TAF9: variants seen among roughly 807,000 people sequenced by gnomAD.
TAF9 encodes transcription initiation factor TFIID subunit 9.
Under a neutral mutation model 16.5 loss-of-function variants are expected in TAF9, and 10 were observed. That is an observed-to-expected ratio of 0.61 (90% CI 0.37 to 1.03). The LOEUF (loss-of-function observed/expected upper bound fraction) is 1.03. TAF9 is among the 50% of genes least tolerant of loss of function. The probability of loss-of-function intolerance (pLI) is 0.01; values close to 1 mark genes in which losing one functional copy is unlikely to be tolerated. For synonymous variants in TAF9, 105 were observed against 120.5 expected, an observed-to-expected ratio of 0.87 and a Z score of 0.84; for missense variants, 288 against 319.1, an observed-to-expected ratio of 0.90 and a Z score of 0.74.
In TAF9 at chr5:69,364,941, G is replaced by C. The variant is rs138549217; in HGVS notation, c.*2C>G. ...ATACATGTTACATTCAGCAAGGCTA[G>C]ATTACAGATTATCATAGTCATCATC... is the stretch of plus-strand genomic sequence containing the variant. On this transcript the variant is annotated 3_prime_UTR_variant, in exon 3 of 3. Transcript: ENST00000217893. 2.5e-6 allele frequency: 4 copies of C among 1,605,578 alleles called. No homozygotes were observed. The African/African-American group carries it at 4.0e-5, about 16-fold the overall frequency.
chr5:69,365,670 A>G lies in TAF9; in HGVS notation c.68T>C (p.Leu23Pro). ...ATATTCTGTAATCCCCATATCCTTC[A>G]GGATTTGTGCCATCATCTGTGCATC... ...PKDAQMMAQILKDMGITEYEP... is the reference protein window; with the variant it reads ...PKDAQMMAQIPKDMGITEYEP... The change falls in exon 3 of 3, where the codon CTG becomes CCG. Residue 23 changes from leucine to proline, a missense_variant. Coordinates refer to ENST00000217893, the MANE Select transcript of TAF9 (RefSeq NM_003187.5). The G allele has an allele frequency of 1.2e-6, 2 of 1,608,390 alleles. No homozygotes were observed. The highest frequency in any genetic ancestry group is 1.7e-6 in the Non-Finnish European group (2 of 1,176,706).
At chr5:69,369,601 GC>G, upstream of TAF9, 1 of 1,585,330 alleles carries the variant, frequency 6.3e-7, no homozygotes, top group Non-Finnish European at 8.6e-7. Flanking sequence ...AGGCCCCGAA[GC>G]CCACCGCGGC....
At chr5:69,366,811 T>C in intron 1 of TAF9, 1 of 526,074 alleles carries the variant, frequency 1.9e-6, no homozygotes, top group Non-Finnish European at 3.4e-6. Context: ...CAGGCTGGAG[T>C]GCAGTGGCAC....
chr5:69,369,323 G>A (rs1762735191), intron 1 of TAF9, 140 bp downstream of exon 1: 1 of 799,248 alleles, frequency 1.3e-6, no homozygotes. Flanking sequence ...TCGGCTCCCG[G>A]GGCGCTGACA....
intron 1 of TAF9, 192 bp from the exon 2 acceptor site, chr5:69,366,787 T>A (rs1762447559): frequency 8.8e-6 from 5 of 567,900 alleles, no homozygotes; most frequent in Non-Finnish European, 1.3e-5. Context: ...AGACAGAGTT[T>A]CACTCTTGTC....
chr5:69,369,589 A>C, upstream of TAF9: 2 of 1,597,994 alleles, frequency 1.3e-6, no homozygotes, highest in Non-Finnish European at 1.7e-6. Context: ...CCACGGCCCC[A>C]AAGGCCCCGA....
chr5:69,369,243 C>CCCCCCCCCCCCCCCCCCA lies in TAF9; in HGVS notation c.-111+219_-111+220insTGGGGGGGGGGGGGGGGG. On this transcript the variant is annotated intron_variant, in intron 1 of 2. Coordinates refer to ENST00000217893, the MANE Select transcript of TAF9 (RefSeq NM_003187.5). ...CTCTCTCCACCCCCCCCCGCCCCCC[C>CCCCCCCCCCCCCCCCCCA]CCGGAGCCTCAGGCCAACGGAATTA... 2 of 261,300 alleles carry CCCCCCCCCCCCCCCCCCA rather than the reference C, an allele frequency of 7.7e-6. 1 individual carries two copies. The highest frequency in any genetic ancestry group is 2.3e-4 in the South Asian group (2 of 8,618). The allele number at this position is 261,300 out of a possible 1,614,324, so 16.2% of individuals were successfully genotyped here.
intron 2 of TAF9, 58 bp from the exon 3 acceptor site, chr5:69,365,812 T>A (rs897772513): frequency 1.6e-6 from 2 of 1,273,136 alleles, no homozygotes; most frequent in African/African-American, 1.5e-5. Flanking sequence ...GTTACTTTAG[T>A]AGCAACTGTC....
intron 1 of TAF9, among the ~76,000 whole-genome samples, chr5:69,367,609 T>G (rs559485203): frequency 3.3e-5 from 5 of 151,974 alleles, no homozygotes; most frequent in Admixed American, 3.3e-4. Context: ...TAGGCTGGAG[T>G]GCAGTGGAAC....
At chr5:69,369,238 C>CCCCCCCCCCCCCCA in intron 1 of TAF9, 1 of 156,870 alleles carries the variant, frequency 6.4e-6, no homozygotes, top group Non-Finnish European at 1.3e-5. Flanking sequence ...CCCCCCCCGC[C>CCCCCCCCCCCCCCA]CCCCCCCGGA....
chr5:69,366,747 T>G (rs1218233574), intron 1 of TAF9, 152 bp from the exon 2 acceptor site: 3 of 627,540 alleles, frequency 4.8e-6, no homozygotes, highest in Non-Finnish European at 2.8e-6. Context: ...AATTTCCTAA[T>G]TAGCAATCAT....
At position 69,365,183 on chromosome 5, in the gene TAF9, T is replaced by G. The variant is rs780454256; in HGVS notation, c.555A>C (p.Gln185His). The part of the protein sequence containing the change: ...KVGTPMSLTG[Q>H]RFTVQMPTSQ... Reference sequence around the variant, plus strand: ...AAGTAGGCATCTGTACTGTAAACCTTTGACCTGTGAGGGACATGGGAGTCC... The same window carrying G: ...AAGTAGGCATCTGTACTGTAAACCTGTGACCTGTGAGGGACATGGGAGTCC... Residue 185 changes from glutamine to histidine, a missense_variant, in exon 3 of 3, where the codon CAA becomes CAC. Physicochemically the swap from Gln to His is conservative, Grantham distance 24. Coordinates refer to ENST00000217893, the MANE Select transcript of TAF9 (RefSeq NM_003187.5). 1 of 1,614,214 alleles carries G rather than the reference T, an allele frequency of 6.2e-7. No homozygotes were observed. The highest frequency in any genetic ancestry group is 1.1e-5 in the South Asian group (1 of 91,080).
In TAF9 at chr5:69,364,957, A is replaced by AGTCATC. The variant is rs1554035760; in HGVS notation, c.775_780dup (p.Asp259_Asp260dup). 2 of 1,611,020 alleles carry AGTCATC rather than the reference A, an allele frequency of 1.2e-6. No individual in the cohort carries two copies. The highest frequency in any genetic ancestry group is 1.1e-5 in the South Asian group (1 of 90,718). ...GCAAGGCTAGATTACAGATTATCAT[A>AGTCATC]GTCATCATCATCATCATCGTCATCA... On this transcript the variant is annotated inframe_insertion, in exon 3 of 3. Coordinates refer to ENST00000217893, the MANE Select transcript of TAF9 (RefSeq NM_003187.5).
At position 69,364,876 on chromosome 5, in the gene TAF9, A is replaced by G; in HGVS notation, c.*67T>C. 1 of 1,363,988 alleles carries G rather than the reference A, an allele frequency of 7.3e-7. No homozygotes were observed. 84.5% of individuals were successfully genotyped at this position (1,363,988 alleles called of 1,614,324 possible). ...AAAACACAACTTGAAAACATCCAGC[A>G]TGCATGTTTAATATCAGTACAATGA... On this transcript the variant is annotated 3_prime_UTR_variant, in exon 3 of 3. Transcript: ENST00000217893.
At chr5:69,366,811 T>A (rs1386605981) in intron 1 of TAF9, 3 of 525,956 alleles carry the variant, frequency 5.7e-6, no homozygotes, top group Admixed American at 3.1e-5. Context: ...CAGGCTGGAG[T>A]GCAGTGGCAC....
rs3756401 is a variant in TAF9 at position 69,369,096 on chromosome 5, G to C, written c.-111+367C>G. The C allele has an allele frequency of 2.4e-4, 89 of 367,228 alleles. No individual in the cohort carries two copies. The East Asian group carries it at 4.5e-3, about 19-fold the overall frequency. The allele number at this position is 367,228 out of a possible 1,614,324, so 22.7% of individuals were successfully genotyped here. On this transcript the variant is annotated intron_variant, in intron 1 of 2. Transcript: ENST00000217893. ...TACCGGGAAGCAGATATGGCCTTACGTTATTTCGCTAAAAATCCCAAGGCC... is the reference window on the plus strand; with the variant it reads ...TACCGGGAAGCAGATATGGCCTTACCTTATTTCGCTAAAAATCCCAAGGCC...
chr5:69,365,474 T>TG lies in TAF9; in HGVS notation c.263dup (p.Arg89LysfsTer26), dbSNP rs1159102844. ...TTGCAATATCTAATAAAAAATCTCT[T>TG]GGGGGAGGAGAGGTAAAAGACTGAT... On this transcript the variant is annotated frameshift_variant, in exon 3 of 3. Coordinates refer to ENST00000217893, the MANE Select transcript of TAF9 (RefSeq NM_003187.5). LOFTEE classifies it high-confidence loss of function. 6.2e-7 allele frequency: 1 copy of TG among 1,614,148 alleles called. No homozygotes were observed. Among genetic ancestry groups the TG allele is most frequent in the East Asian group, 2.2e-5 (1 of 44,884 alleles).
chr5:69,369,096 G>A (rs3756401), intron 1 of TAF9: 2 of 367,110 alleles, frequency 5.4e-6, no homozygotes, highest in Non-Finnish European at 9.7e-6. Flanking sequence ...ATGGCCTTAC[G>A]TTATTTCGCT....
Position 69,366,513 on chromosome 5 carries a change from T to C in TAF9, c.-28A>G, listed in dbSNP as rs1471871667. On this transcript the variant is annotated 5_prime_UTR_variant, in exon 2 of 3. The change abolishes the stop of an existing upstream ORF in the 5' untranslated region. Transcript: ENST00000217893. ...CAAAGTGTCCCTTACCTTCTCGAGC[T>C]AAATCACCCACATTAATGTATTTCA... is the stretch of plus-strand genomic sequence containing the variant. 6.2e-6 allele frequency: 10 copies of C among 1,613,494 alleles called. No homozygotes were observed. Among genetic ancestry groups the C allele is most frequent in the Non-Finnish European group, 8.5e-6 (10 of 1,179,746 alleles).
Sources: gnomAD v4.1 joint callset for allele counts (sites outside exome capture counted in the v4.1 genomes callset) on GRCh38, gnomAD v4.1.1 for gene constraint, MANE v1.5 for transcripts, NCBI Gene and HGNC (gene_info 2026-07-23, HGNC 2026-07-21) for gene names.